The following GRM7 variants were observed in gnomAD, a reference collection of about 807,000 sequenced individuals.
GRM7 encodes metabotropic glutamate receptor 7.
GRM7 carries 35 observed loss-of-function variants against 84.5 expected under a neutral mutation model. The observed-to-expected ratio is 0.41, with a 90% CI of 0.32 to 0.55. The LOEUF is 0.55. Ranked by LOEUF, GRM7 falls within the 20% of genes least tolerant of loss-of-function variation. The pLI is 0.19. For synonymous variants in GRM7, 487 were observed against 455.1 expected (o/e 1.07, Z -0.89); for missense variants, 1,003 against 1,194.6 (o/e 0.84, Z 2.36).
intron 1 of GRM7, among the ~76,000 whole-genome samples, chr3:6,906,737 T>C (rs1399332127): frequency 6.6e-6 from 1 of 152,142 alleles, no homozygotes; most frequent in Admixed American, 6.5e-5. Context: ...ATTTATACCA[T>C]ACCAGCATTT....
intron 1 of GRM7, among the ~76,000 whole-genome samples, chr3:7,146,005 C>T (rs1348916959): frequency 1.3e-5 from 2 of 152,170 alleles, no homozygotes; most frequent in Admixed American, 6.5e-5. Flanking sequence ...CACAATCAAT[C>T]GATGTTAGAT....
intron 4 of GRM7, among the ~76,000 whole-genome samples, chr3:7,312,731 C>T (rs1700444884): frequency 6.6e-6 from 1 of 151,912 alleles, no homozygotes. Context: ...ATGACATTAT[C>T]TGAGGGAACT....
chr3:7,003,075 G>A (rs1467726783), intron 1 of GRM7, among the ~76,000 whole-genome samples: 1 of 152,150 alleles, frequency 6.6e-6, no homozygotes, highest in Admixed American at 6.6e-5. Context: ...AGTGTTAACA[G>A]AGGCTGCGGG....
rs712794 is a variant in GRM7 at position 7,452,424 on chromosome 3, C to A, written c.1175-183C>A. ...CTATTAGAGAAACCTAACATGGTAG[C>A]TGGATATGGATACCAACTGGCTATC... On this transcript the variant is annotated intron_variant, in intron 5 of 9. Transcript: ENST00000357716. 9.8e-3 allele frequency among the ~76,000 whole-genome samples: 1,499 copies of A among 152,228 alleles called. 17 individuals are homozygous for A. Among genetic ancestry groups the A allele is most frequent in the Non-Finnish European group, 0.015 (1,020 of 68,008 alleles).
At chr3:6,896,641 T>G (rs1386162466) in intron 1 of GRM7, among the ~76,000 whole-genome samples, 1 of 152,166 alleles carries the variant, frequency 6.6e-6, no homozygotes, top group Non-Finnish European at 1.5e-5. Context: ...CTTTCCACTT[T>G]AGAGAGAGGC....
chr3:7,344,649 C>G (rs768874047), intron 4 of GRM7, among the ~76,000 whole-genome samples: 2 of 152,078 alleles, frequency 1.3e-5, no homozygotes, highest in Non-Finnish European at 2.9e-5. Flanking sequence ...GAGTGCATTA[C>G]ATTAAGTTAA....
At position 7,547,194 on chromosome 3, in the gene GRM7, C is replaced by CTTTTTTTT. The variant is rs55678792; in HGVS notation, c.1516-31205_1516-31198dup. Among the ~76,000 whole-genome samples the CTTTTTTTT allele has an allele frequency of 5.1e-4, 39 of 76,426 alleles. 1 individual carries two copies. The highest frequency in any genetic ancestry group is 2.1e-3 in the African/African-American group (36 of 17,424). The allele number at this position is 76,426 out of a possible 152,430, so 50.1% of individuals were successfully genotyped here. ...CAGCACAGCCCCCAGAGAGTGAATTCTTTTTTTTTTTTTTTTTTTTTTTTT... is the reference window on the plus strand; with the variant it reads ...CAGCACAGCCCCCAGAGAGTGAATTCTTTTTTTTTTTTTTTTTTTTTTTTTTTTTTTTT... On this transcript the variant is annotated intron_variant, in intron 7 of 9. Transcript: ENST00000357716.
At chr3:7,662,775 G>A (rs569354937) in intron 8 of GRM7, among the ~76,000 whole-genome samples, 42 of 152,308 alleles carry the variant, frequency 2.8e-4, no homozygotes, top group Middle Eastern at 3.4e-3. Flanking sequence ...GATGTTCTTT[G>A]TCCTATGTCA....
intron 4 of GRM7, among the ~76,000 whole-genome samples, chr3:7,347,910 A>G (rs1055642055): frequency 7.2e-5 from 11 of 152,148 alleles, no homozygotes; most frequent in African/African-American, 2.2e-4. Flanking sequence ...TCTTTTATCT[A>G]ATAGTTATTG....
chr3:6,952,965 A>G (rs1692852170), intron 1 of GRM7, among the ~76,000 whole-genome samples: 1 of 152,250 alleles, frequency 6.6e-6, no homozygotes, highest in African/African-American at 2.4e-5. Flanking sequence ...TGCACAATAC[A>G]ACAACTGTTC....
At chr3:7,713,661 G>A (rs1701669131) in intron 9 of GRM7, among the ~76,000 whole-genome samples, 1 of 151,866 alleles carries the variant, frequency 6.6e-6, no homozygotes, top group Non-Finnish European at 1.5e-5. Flanking sequence ...AGTAGTTCAA[G>A]GATTAGTACC....
chr3:6,955,747 C>A (rs1009686590), intron 1 of GRM7, among the ~76,000 whole-genome samples: 3 of 150,798 alleles, frequency 2.0e-5, no homozygotes, highest in African/African-American at 7.3e-5. Flanking sequence ...GAGGCTGAGG[C>A]ACGAGAATCA....
chr3:7,002,315 T>C (rs1386447723), intron 1 of GRM7, among the ~76,000 whole-genome samples: 1 of 152,220 alleles, frequency 6.6e-6, no homozygotes, highest in Non-Finnish European at 1.5e-5. Context: ...TGGGTTCCTC[T>C]ACTAAAAAAC....
chr3:7,473,528 G>GAGAGAGAGAGAGAA (rs1698797968), intron 7 of GRM7, among the ~76,000 whole-genome samples: 1 of 138,928 alleles, frequency 7.2e-6, no homozygotes, highest in Non-Finnish European at 1.6e-5. Flanking sequence ...GAGAGAGAGA[G>GAGAGAGAGAGAGAA]AGAAACACCT....
At position 7,093,706 on chromosome 3, in the gene GRM7, AAAAAAAAAG is replaced by A. The variant is rs1257845253; in HGVS notation, c.520-52745_520-52737del. ...AAAAAAAAAAAAAAAAAAAAAAAAA[AAAAAAAAAG>A]GTAGTTAGTGGCCTTTGCTCTTTTA... On this transcript the variant is annotated intron_variant, in intron 1 of 9. Transcript: ENST00000357716. 6.0e-3 allele frequency among the ~76,000 whole-genome samples: 506 copies of A among 83,982 alleles called. 46 individuals are homozygous for A. The highest frequency in any genetic ancestry group is 0.012 in the African/African-American group (242 of 19,566). The allele number at this position is 83,982 out of a possible 152,430, so 55.1% of individuals were successfully genotyped here.
At chr3:7,180,792 G>A (rs1026260728) in intron 2 of GRM7, among the ~76,000 whole-genome samples, 8 of 152,288 alleles carry the variant, frequency 5.3e-5, no homozygotes, top group Admixed American at 5.2e-4. Flanking sequence ...CATCTGACCA[G>A]TAATTTGCTG....
At chr3:7,529,575 C>T (rs944206632) in intron 7 of GRM7, among the ~76,000 whole-genome samples, 2 of 152,106 alleles carry the variant, frequency 1.3e-5, no homozygotes, top group African/African-American at 4.8e-5. Context: ...AATGTTCTTG[C>T]TCCATGGCTT....
chr3:7,036,629 T>C (rs1285054586), intron 1 of GRM7, among the ~76,000 whole-genome samples: 4 of 152,190 alleles, frequency 2.6e-5, no homozygotes, highest in Non-Finnish European at 5.9e-5. Flanking sequence ...CACGTGGGTT[T>C]TTTTCGTTAA....
chr3:6,900,998 T>TA (rs1269291885), intron 1 of GRM7, among the ~76,000 whole-genome samples: 22 of 152,242 alleles, frequency 1.4e-4, no homozygotes, highest in African/African-American at 5.3e-4. Context: ...ACCCCTCATT[T>TA]AAAAAACTGG....
Sources: gnomAD v4.1 joint callset for allele counts (sites outside exome capture counted in the v4.1 genomes callset) on GRCh38, gnomAD v4.1.1 for gene constraint, MANE v1.5 for transcripts, NCBI Gene and HGNC (gene_info 2026-07-23, HGNC 2026-07-21) for gene names.